Variants in COL24A1 observed in about 807,000 individuals in gnomAD.
COL24A1 encodes the protein collagen alpha-1(XXIV) chain.
A neutral mutation model predicts 253.9 loss-of-function variants in COL24A1; 224 were observed. The ratio of observed to expected loss-of-function variants is 0.88; its 90% CI spans 0.79 to 0.99. The LOEUF is 0.99. Among genes scored for constraint, COL24A1 ranks in the 50% least tolerant of loss-of-function variants. The pLI is 0.00. For synonymous variants in COL24A1, 685 were observed against 673.7 expected, an observed-to-expected ratio of 1.02 and a Z score of -0.26; for missense variants, 2,131 against 2,068.5, an observed-to-expected ratio of 1.03 and a Z score of -0.59.
chr1:85,935,819 C>G (rs779330463), intron 24 of COL24A1, among the ~76,000 whole-genome samples: 1 of 147,476 alleles, frequency 6.8e-6, no homozygotes, highest in Non-Finnish European at 1.5e-5. Context: ...AATGAGTGAA[C>G]AACTTAGAGC....
chr1:85,800,887 T>G (rs1341865700), intron 47 of COL24A1, among the ~76,000 whole-genome samples: 1 of 152,094 alleles, frequency 6.6e-6, no homozygotes, highest in Non-Finnish European at 1.5e-5. Context: ...AAGCTGGCCT[T>G]TCACCAAAAC....
chr1:85,829,714 T>G (rs1174666511), intron 43 of COL24A1, among the ~76,000 whole-genome samples: 2 of 152,122 alleles, frequency 1.3e-5, no homozygotes, highest in African/African-American at 2.4e-5. Flanking sequence ...GTTGATCGCA[T>G]GGCCTCCTGA....
At chr1:85,736,163 A>C in intron 58 of COL24A1, 1 of 369,350 alleles carries the variant, frequency 2.7e-6, no homozygotes. Flanking sequence ...TGTTCCTGGC[A>C]CAGAGCAGGC....
At chr1:86,022,101 T>C (rs993205004) in intron 18 of COL24A1, 139 bp downstream of exon 18, 2 of 770,622 alleles carry the variant, frequency 2.6e-6, no homozygotes, top group Admixed American at 2.2e-5. Context: ...ACTGAATACC[T>C]GAGGGATTTG....
intron 47 of COL24A1, among the ~76,000 whole-genome samples, chr1:85,809,533 C>T (rs1672315475): frequency 6.6e-6 from 1 of 151,898 alleles, no homozygotes; most frequent in Admixed American, 6.6e-5. Context: ...GGTGAAGTTC[C>T]AGGAATAATA....
intron 20 of COL24A1, among the ~76,000 whole-genome samples, chr1:85,982,330 G>A (rs187290567): frequency 7.2e-5 from 11 of 152,152 alleles, no homozygotes; most frequent in Non-Finnish European, 1.3e-4. Context: ...AATGAGAAAT[G>A]TCTACAGATC....
At chr1:86,151,825 T>C (rs189754911) in intron 1 of COL24A1, among the ~76,000 whole-genome samples, 26 of 152,330 alleles carry the variant, frequency 1.7e-4, no homozygotes, top group Admixed American at 7.8e-4. Context: ...AGATTCAATT[T>C]ATAATAGTGG....
At chr1:85,857,616 A>T (rs1392094207) in intron 37 of COL24A1, among the ~76,000 whole-genome samples, 1 of 152,166 alleles carries the variant, frequency 6.6e-6, no homozygotes, top group East Asian at 1.9e-4. Context: ...AGGCATCCTC[A>T]TCCTTGCAAT....
At chr1:85,820,693 T>G (rs1483030833) in intron 45 of COL24A1, among the ~76,000 whole-genome samples, 3 of 152,156 alleles carry the variant, frequency 2.0e-5, no homozygotes, top group Non-Finnish European at 4.4e-5. Flanking sequence ...TTTGAGTGAA[T>G]GGGGTTAAAG....
chr1:86,085,325 A>G (rs1702984195), intron 7 of COL24A1, among the ~76,000 whole-genome samples: 6 of 152,184 alleles, frequency 3.9e-5, no homozygotes, highest in Admixed American at 3.9e-4. Context: ...CTCAAAATAA[A>G]ATAAAAATTC....
intron 20 of COL24A1, among the ~76,000 whole-genome samples, chr1:85,984,052 A>C (rs1399026387): frequency 1.3e-5 from 2 of 151,828 alleles, no homozygotes; most frequent in Non-Finnish European, 3.0e-5. Context: ...TCTAGCTTTC[A>C]AGTCTTTTGC....
intron 19 of COL24A1, among the ~76,000 whole-genome samples, chr1:86,005,097 A>C (rs1346979539): frequency 6.8e-6 from 1 of 146,092 alleles, no homozygotes; most frequent in Non-Finnish European, 1.5e-5. Context: ...GGACAGTGAA[A>C]GAGTGAGAAA....
chr1:86,027,261 GGTAA>G (rs1319871461), intron 14 of COL24A1, among the ~76,000 whole-genome samples: 1 of 152,120 alleles, frequency 6.6e-6, no homozygotes, highest in Non-Finnish European at 1.5e-5. Flanking sequence ...CAGAAATCTG[GGTAA>G]GTAATGAGAA....
intron 20 of COL24A1, among the ~76,000 whole-genome samples, chr1:85,976,175 A>G (rs994407082): frequency 3.9e-5 from 6 of 152,190 alleles, no homozygotes; most frequent in Non-Finnish European, 7.3e-5. Context: ...CAAGGCCAAC[A>G]GTATTTGAAG....
At chr1:86,018,220 A>G (rs1458395678) in intron 18 of COL24A1, among the ~76,000 whole-genome samples, 2 of 152,212 alleles carry the variant, frequency 1.3e-5, no homozygotes, top group Non-Finnish European at 2.9e-5. Flanking sequence ...GGGATTGCCC[A>G]TTTTCCAAAA....
At chr1:85,996,170 G>A (rs547136166) in intron 19 of COL24A1, among the ~76,000 whole-genome samples, 6 of 152,114 alleles carry the variant, frequency 3.9e-5, no homozygotes, top group Admixed American at 3.9e-4. Context: ...GCTCCTTTTT[G>A]GTAGGCAACA....
intron 7 of COL24A1, among the ~76,000 whole-genome samples, chr1:86,084,204 C>T (rs1029939125): frequency 1.1e-4 from 17 of 152,118 alleles, no homozygotes; most frequent in South Asian, 4.1e-4. Context: ...GAATTGAGAA[C>T]AAGATGAAAA....
At chr1:85,778,414 A>G (rs1010772914) in intron 52 of COL24A1, among the ~76,000 whole-genome samples, 4 of 151,846 alleles carry the variant, frequency 2.6e-5, no homozygotes, top group Non-Finnish European at 5.9e-5. Flanking sequence ...AGCTCTTTGT[A>G]TATTAACCTG....
rs148348585 is a variant in COL24A1, at chr1:85,746,158, G to C, written c.4438-652C>G. ...ATCTTAGAACAATGAAGCATGAGTTGGGAGAAGGTTCTGGGAAATGGCATC... is the reference window on the plus strand; with the variant it reads ...ATCTTAGAACAATGAAGCATGAGTTCGGAGAAGGTTCTGGGAAATGGCATC... On this transcript the variant is annotated intron_variant, in intron 55 of 59. Coordinates refer to ENST00000370571, the MANE Select transcript of COL24A1 (RefSeq NM_152890.7). 3.9e-3 allele frequency among the ~76,000 whole-genome samples: 587 copies of C among 151,968 alleles called. 3 individuals carry two copies. The highest frequency in any genetic ancestry group is 0.014 in the African/African-American group (560 of 41,466).
Sources: gnomAD v4.1 joint callset for allele counts (sites outside exome capture counted in the v4.1 genomes callset) on GRCh38, gnomAD v4.1.1 for gene constraint, MANE v1.5 for transcripts, NCBI Gene and HGNC (gene_info 2026-07-23, HGNC 2026-07-21) for gene names.